The following PXK variants were observed in gnomAD, a reference collection of about 807,000 sequenced individuals.
The protein encoded by PXK is PX domain containing serine/threonine kinase like.
PXK carries 35 observed loss-of-function variants against 84.7 expected under a neutral mutation model. The observed-to-expected ratio is 0.41, with a 90% CI of 0.32 to 0.55. PXK has a LOEUF of 0.55. Among genes scored for constraint, PXK ranks in the 20% least tolerant of loss-of-function variants. The pLI, the probability that PXK is intolerant of heterozygous loss-of-function variation, is 0.21. For synonymous variants in PXK, 253 were observed against 260.8 expected (o/e 0.97, Z 0.29); for missense variants, 634 against 699.7 (o/e 0.91, Z 1.06).
At chr3:58,391,499 C>CT (rs144635538) in intron 6 of PXK, among the ~76,000 whole-genome samples, 43,356 of 75,810 alleles carry the variant, frequency 0.57, 6,969 homozygotes, top group Middle Eastern at 0.59. Flanking sequence ...TTGGAGTTTA[C>CT]TTCCCAAAAA....
chr3:58,381,490 G>A (rs1165173756), intron 3 of PXK, among the ~76,000 whole-genome samples: 6 of 144,164 alleles, frequency 4.2e-5, no homozygotes, highest in Non-Finnish European at 7.5e-5. Flanking sequence ...TAAAACTGAC[G>A]CAGCTGTGTA....
At chr3:58,337,374 A>G (rs1390611071) in intron 1 of PXK, among the ~76,000 whole-genome samples, 1 of 152,230 alleles carries the variant, frequency 6.6e-6, no homozygotes, top group Admixed American at 6.5e-5. Flanking sequence ...ATTCAACAAA[A>G]ATGTATTAAA....
intron 2 of PXK, among the ~76,000 whole-genome samples, chr3:58,368,514 G>C (rs1181052497): frequency 6.6e-6 from 1 of 151,940 alleles, no homozygotes. Context: ...GTAGAGACGG[G>C]TTTCGCCACA....
intron 13 of PXK, among the ~76,000 whole-genome samples, chr3:58,405,566 C>G (rs9844432): frequency 0.07 from 10,619 of 151,856 alleles, 476 homozygotes; most frequent in South Asian, 0.1. Context: ...GTAATCCCAG[C>G]TACTCGGGAG....
chr3:58,424,015 G>A (rs2062404512), intron 17 of PXK, among the ~76,000 whole-genome samples: 1 of 152,158 alleles, frequency 6.6e-6, no homozygotes, highest in South Asian at 2.1e-4. Context: ...CTGTTCCTTG[G>A]TTGGGCCACA....
At chr3:58,371,035 G>A (rs537709931) in intron 3 of PXK, among the ~76,000 whole-genome samples, 4 of 152,224 alleles carry the variant, frequency 2.6e-5, no homozygotes, top group African/African-American at 9.6e-5. Flanking sequence ...ATAAGTATTT[G>A]TACAGCCCAC....
At chr3:58,369,299 A>T (rs2098327939) in intron 2 of PXK, 132 bp from the exon 3 acceptor site, 1 of 615,922 alleles carries the variant, frequency 1.6e-6, no homozygotes, top group African/African-American at 1.9e-5. Flanking sequence ...CACCAGGTAT[A>T]AGCCCTACTA....
intron 17 of PXK, among the ~76,000 whole-genome samples, chr3:58,417,756 T>C (rs1576819520): frequency 6.6e-6 from 1 of 152,252 alleles, no homozygotes; most frequent in African/African-American, 2.4e-5. Flanking sequence ...ACTCTATTCA[T>C]AGAACTGATT....
chr3:58,403,270 G>T (rs188606667), intron 12 of PXK, among the ~76,000 whole-genome samples: 1,823 of 152,158 alleles, frequency 0.012, 18 homozygotes, highest in Non-Finnish European at 0.017. Flanking sequence ...CTCACAAAGT[G>T]CTGGGATTAC....
At chr3:58,341,588 A>G (rs1256252575) in intron 1 of PXK, among the ~76,000 whole-genome samples, 2 of 152,192 alleles carry the variant, frequency 1.3e-5, no homozygotes, top group Non-Finnish European at 2.9e-5. Context: ...AAAACTTTAT[A>G]TAATTCACAT....
chr3:58,340,544 T>C (rs562934252), intron 1 of PXK, among the ~76,000 whole-genome samples: 17 of 151,892 alleles, frequency 1.1e-4, no homozygotes, highest in Non-Finnish European at 1.3e-4. Flanking sequence ...CTGACCAACA[T>C]GGAGAAACCC....
At chr3:58,340,435 C>T (rs777274935) in intron 1 of PXK, among the ~76,000 whole-genome samples, 3 of 149,716 alleles carry the variant, frequency 2.0e-5, no homozygotes, top group South Asian at 2.2e-4. Context: ...GATTGTTGAT[C>T]GAAAGTTTAA....
At chr3:58,373,515 C>T (rs567723278) in intron 3 of PXK, among the ~76,000 whole-genome samples, 1 of 152,310 alleles carries the variant, frequency 6.6e-6, no homozygotes, top group East Asian at 1.9e-4. Flanking sequence ...GAGAGACTTA[C>T]TGTACTCCAG....
At chr3:58,423,238 G>A (rs1324626234) in intron 17 of PXK, 3 of 979,644 alleles carry the variant, frequency 3.1e-6, no homozygotes, top group African/African-American at 1.8e-5. Context: ...CAGGTTTAAA[G>A]TCCTTTTTAT....
chr3:58,333,810 C>A lies in PXK; in HGVS notation c.102+720C>A, dbSNP rs1423450772. ...CCTCATAGTAAACATTGGCAGGGTT[C>A]ATTTCTGCTACATATACGGTCTTTT... On this transcript the variant is annotated intron_variant, in intron 1 of 17. Transcript: ENST00000356151. This position sits in a 1 kb window ranked among gnomAD's most constrained non-coding sequence, Gnocchi z 5.4. Among the ~76,000 whole-genome samples, 1 of 151,818 alleles carries A rather than the reference C, an allele frequency of 6.6e-6. No homozygotes were observed. Among genetic ancestry groups the A allele is most frequent in the Non-Finnish European group, 1.5e-5 (1 of 67,996 alleles).
intron 1 of PXK, among the ~76,000 whole-genome samples, chr3:58,348,315 A>G (rs1054129977): frequency 3.5e-4 from 54 of 152,314 alleles, no homozygotes; most frequent in African/African-American, 1.3e-3. Context: ...TCCACTAAGC[A>G]TTGGTTGAAA....
intron 1 of PXK, among the ~76,000 whole-genome samples, chr3:58,341,691 ATTTTC>A (rs199544010): frequency 1.5e-3 from 220 of 147,604 alleles, no homozygotes; most frequent in Non-Finnish European, 2.4e-3. Flanking sequence ...ATCTTAGAAC[ATTTTC>A]TTTTCTTTTC....
chr3:58,409,297 C>T lies in PXK; in HGVS notation c.1309-235C>T, dbSNP rs2059841181. Among the ~76,000 whole-genome samples the T allele has an allele frequency of 2.6e-5, 4 of 152,130 alleles. No individual in the cohort carries two copies. Among genetic ancestry groups the T allele is most frequent in the Non-Finnish European group, 5.9e-5 (4 of 68,024 alleles). On this transcript the variant is annotated intron_variant, in intron 14 of 17. Transcript: ENST00000356151. The surrounding 1 kb of genome is among the most constrained non-coding windows in gnomAD (Gnocchi z 4.2). ...ATGGTCCATGCTGTCTCACCACATTCTTCTTCTGTAAAAGAGGGAAAGGCA... is the reference window on the plus strand; with the variant it reads ...ATGGTCCATGCTGTCTCACCACATTTTTCTTCTGTAAAAGAGGGAAAGGCA...
chr3:58,395,252 A>C, intron 8 of PXK, 150 bp downstream of exon 8: 3 of 586,900 alleles, frequency 5.1e-6, no homozygotes, highest in East Asian at 5.6e-5. Flanking sequence ...TCATGCAATA[A>C]AAACTCTACT....
Sources: gnomAD v4.1 joint callset for allele counts (sites outside exome capture counted in the v4.1 genomes callset) on GRCh38, gnomAD v4.1.1 for gene constraint, Gnocchi (gnomAD v3.1) non-coding constraint, MANE v1.5 for transcripts, NCBI Gene and HGNC (gene_info 2026-07-23, HGNC 2026-07-21) for gene names.